The following RAB30 variants were observed in gnomAD, a reference collection of about 807,000 sequenced individuals.
RAB30 encodes ras-related protein Rab-30.
In RAB30, 9 loss-of-function variants were observed where a neutral mutation model predicts 25.1. That is an observed-to-expected ratio of 0.36 (90% CI 0.22 to 0.63). The LOEUF is 0.63. Ranked by LOEUF, RAB30 falls within the 20% of genes least tolerant of loss-of-function variation. The probability of loss-of-function intolerance (pLI) is 0.69; values close to 1 mark genes in which losing one functional copy is unlikely to be tolerated. For missense variants in RAB30, 140 were observed against 243.5 expected, an observed-to-expected ratio of 0.58 and a Z score of 2.83; for synonymous variants, 77 against 86.4, an observed-to-expected ratio of 0.89 and a Z score of 0.60.
At chr11:83,020,718 A>T (rs1026950271) in intron 1 of RAB30, among the ~76,000 whole-genome samples, 1 of 152,176 alleles carries the variant, frequency 6.6e-6, no homozygotes, top group African/African-American at 2.4e-5. Context: ...TCTAAGACCC[A>T]TAAAAGCCCT....
chr11:83,039,136 T>C (rs1221154936), intron 1 of RAB30: 1 of 152,196 alleles, frequency 6.6e-6, no homozygotes, highest in Non-Finnish European at 1.5e-5. Context: ...TACTGTTGAA[T>C]TAACAAACAA....
intron 3 of RAB30, among the ~76,000 whole-genome samples, chr11:82,993,420 T>C (rs1590839432): frequency 6.6e-6 from 1 of 152,154 alleles, no homozygotes; most frequent in African/African-American, 2.4e-5. Flanking sequence ...ATATAACATA[T>C]GTAAAAGCAC....
intron 1 of RAB30, among the ~76,000 whole-genome samples, chr11:83,014,678 GAA>G (rs1555035165): frequency 2.1e-5 from 3 of 141,910 alleles, no homozygotes; most frequent in Admixed American, 7.0e-5. Context: ...AAGAAAGAAA[GAA>G]AGAAAGAAAG....
At chr11:83,028,130 A>G (rs1005806454) in intron 1 of RAB30, among the ~76,000 whole-genome samples, 2 of 152,246 alleles carry the variant, frequency 1.3e-5, no homozygotes, top group African/African-American at 4.8e-5. Flanking sequence ...TTCTCACAAA[A>G]ATGAAATAAA....
chr11:83,032,874 T>G (rs930389511), intron 1 of RAB30, among the ~76,000 whole-genome samples: 1 of 152,038 alleles, frequency 6.6e-6, no homozygotes, highest in African/African-American at 2.4e-5. Context: ...TTAATTAAAA[T>G]GACTTTCTCA....
intron 1 of RAB30, among the ~76,000 whole-genome samples, chr11:83,064,722 A>G (rs1417233948): frequency 6.6e-6 from 1 of 152,192 alleles, no homozygotes; most frequent in Non-Finnish European, 1.5e-5. Context: ...GACATTCCTG[A>G]AGACATTCAG....
At chr11:83,058,271 T>C (rs1024904938) in intron 1 of RAB30, among the ~76,000 whole-genome samples, 1 of 152,196 alleles carries the variant, frequency 6.6e-6, no homozygotes, top group Non-Finnish European at 1.5e-5. Context: ...TTAACATTCA[T>C]CCTATACTAT....
intron 1 of RAB30, among the ~76,000 whole-genome samples, chr11:83,008,427 G>A (rs1216384961): frequency 6.6e-6 from 1 of 152,204 alleles, no homozygotes; most frequent in East Asian, 1.9e-4. Flanking sequence ...CCAAGTTTGT[G>A]ACAGGTCCTG....
chr11:82,983,424 C>T (rs568433609), intron 4 of RAB30, among the ~76,000 whole-genome samples: 1 of 152,040 alleles, frequency 6.6e-6, no homozygotes, highest in Non-Finnish European at 1.5e-5. Context: ...ACCACACAGA[C>T]CGTAACCCTT....
intron 1 of RAB30, among the ~76,000 whole-genome samples, chr11:83,053,751 T>G (rs1441991502): frequency 6.6e-6 from 1 of 152,188 alleles, no homozygotes. Context: ...GACTAAATTT[T>G]CCATAAGACT....
At chr11:83,022,631 T>C (rs1422417701) in intron 1 of RAB30, among the ~76,000 whole-genome samples, 1 of 152,196 alleles carries the variant, frequency 6.6e-6, no homozygotes, top group East Asian at 1.9e-4. Flanking sequence ...CTTTATTTTA[T>C]AATTTTAAAA....
intron 2 of RAB30, among the ~76,000 whole-genome samples, chr11:82,994,483 C>G (rs1213110086): frequency 6.6e-6 from 1 of 152,022 alleles, no homozygotes; most frequent in African/African-American, 2.4e-5. Context: ...GGGCATGCGA[C>G]CACAGGGATG....
At chr11:82,997,473 C>A in intron 1 of RAB30, 149 bp from the exon 2 acceptor site, 2 of 611,364 alleles carry the variant, frequency 3.3e-6, no homozygotes, top group South Asian at 3.9e-5. Flanking sequence ...GCCAGCTAGA[C>A]AGAAACACAG....
chr11:83,024,743 C>A (rs1034106294), intron 1 of RAB30, among the ~76,000 whole-genome samples: 1 of 152,198 alleles, frequency 6.6e-6, no homozygotes, highest in Non-Finnish European at 1.5e-5. Context: ...CACTGAAATG[C>A]TACTGTTACT....
At chr11:83,015,371 G>T (rs535020839) in intron 1 of RAB30, among the ~76,000 whole-genome samples, 1 of 152,076 alleles carries the variant, frequency 6.6e-6, no homozygotes. Flanking sequence ...TTGGAAAGAG[G>T]ATGGGAAAGA....
intron 1 of RAB30, among the ~76,000 whole-genome samples, chr11:83,004,890 C>T (rs1023033790): frequency 6.6e-6 from 1 of 151,998 alleles, no homozygotes; most frequent in Admixed American, 6.6e-5. Flanking sequence ...AGGTTCTGTC[C>T]CTGGAAGCTC....
At position 82,979,075 on chromosome 11, in the gene RAB30, C is replaced by A. The variant is rs1005157823; in HGVS notation, c.*3090G>T. On this transcript the variant is annotated 3_prime_UTR_variant, in exon 5 of 5. Transcript: ENST00000527633. ...AAATTCAAAAAATATTAATATAATT[C>A]AACAGATTTAATAAAAGCACACAAA... 5.3e-5 allele frequency: 8 copies of A among 151,954 alleles called. No homozygotes were observed. The highest frequency in any genetic ancestry group is 1.2e-4 in the Non-Finnish European group (8 of 67,962). 9.4% of individuals were successfully genotyped at this position (151,954 alleles called of 1,614,324 possible).
At chr11:82,997,764 C>T (rs913453208) in intron 1 of RAB30, among the ~76,000 whole-genome samples, 3 of 152,166 alleles carry the variant, frequency 2.0e-5, no homozygotes, top group South Asian at 2.1e-4. Context: ...ACTAGTGATG[C>T]GCAGACTGAA....
Position 82,974,859 on chromosome 11 carries a change from T to C in RAB30, c.*7306A>G, listed in dbSNP as rs1307364267. On this transcript the variant is annotated 3_prime_UTR_variant, in exon 5 of 5. Transcript: ENST00000527633. ...GCATTAAAAGTGTGTACAAGATATA[T>C]GGGGCACACTTTTCCCTTCAGATTA... 1 of 151,954 alleles carries C rather than the reference T, an allele frequency of 6.6e-6. No homozygotes were observed. Among genetic ancestry groups the C allele is most frequent in the African/African-American group, 2.4e-5 (1 of 41,422 alleles). 9.4% of individuals were successfully genotyped at this position (151,954 alleles called of 1,614,324 possible).
Sources: gnomAD v4.1 joint callset for allele counts (sites outside exome capture counted in the v4.1 genomes callset) on GRCh38, gnomAD v4.1.1 for gene constraint, MANE v1.5 for transcripts, NCBI Gene and HGNC (gene_info 2026-07-23, HGNC 2026-07-21) for gene names.